The following SETX variants were observed in gnomAD, a reference collection of about 807,000 sequenced individuals.
SETX encodes the protein helicase senataxin.
Under a neutral mutation model 227.2 loss-of-function variants are expected in SETX, and 90 were observed. The observed-to-expected ratio is 0.40, with a 90% CI of 0.33 to 0.47. The LOEUF (loss-of-function observed/expected upper bound fraction) is 0.47, where lower values mean the gene tolerates loss of function less well. Among genes scored for constraint, SETX ranks in the 20% least tolerant of loss-of-function variants. SETX has a pLI of 0.91. For synonymous variants in SETX, 1,210 were observed against 1,113.2 expected, an observed-to-expected ratio of 1.09 and a Z score of -1.73; for missense variants, 3,052 against 3,181.5, an observed-to-expected ratio of 0.96 and a Z score of 0.98.
At chr9:132,297,750 T>C (rs1844755377) in intron 13 of SETX, among the ~76,000 whole-genome samples, 2 of 152,206 alleles carry the variant, frequency 1.3e-5, no homozygotes, top group Non-Finnish European at 1.5e-5. Context: ...TTTCCAACAA[T>C]ACCGGCCAAT....
Position 132,269,755 on chromosome 9 carries a change from A to G in SETX, c.7200-53T>C, listed in dbSNP as rs369104478. ...TTGTCTAGAATGACTTAACATGCCC[A>G]TGTGAGACAAAGGTGGACTCTAGAA... On this transcript the variant is annotated intron_variant, in intron 24 of 25. Transcript: ENST00000224140. 9.0e-6 allele frequency: 14 copies of G among 1,563,584 alleles called. No homozygotes were observed. The African/African-American group carries it at 1.9e-4, about 21-fold the overall frequency.
At chr9:132,316,397 T>C (rs1354309737) in intron 10 of SETX, among the ~76,000 whole-genome samples, 1 of 152,232 alleles carries the variant, frequency 6.6e-6, no homozygotes, top group Non-Finnish European at 1.5e-5. Flanking sequence ...TCTTCACATC[T>C]GTTAACTCCA....
Position 132,300,490 on chromosome 9 carries a change from C to T in SETX, c.5548+140G>A, listed in dbSNP as rs117632059. The stretch of plus-strand genomic sequence containing the variant: ...GTCTAGAAAAACTAGAAAAGAGACT[C>T]TGAATGGCCATGTAATCAACATAGC... On this transcript the variant is annotated intron_variant, in intron 12 of 25. Coordinates refer to ENST00000224140, the MANE Select transcript of SETX (RefSeq NM_015046.7). 1,167 of 855,920 alleles carry T rather than the reference C, an allele frequency of 1.4e-3. 32 individuals are homozygous for T. The East Asian group carries it at 0.028, about 21-fold the overall frequency. 53.0% of individuals were successfully genotyped at this position (855,920 alleles called of 1,614,324 possible).
At chr9:132,303,718 T>G (rs954811361) in intron 11 of SETX, among the ~76,000 whole-genome samples, 1 of 152,158 alleles carries the variant, frequency 6.6e-6, no homozygotes, top group Admixed American at 6.6e-5. Context: ...GAAGGGGATA[T>G]GTACATTGCC....
At chr9:132,268,526 G>T (rs771473248) in intron 25 of SETX, among the ~76,000 whole-genome samples, 2 of 152,182 alleles carry the variant, frequency 1.3e-5, no homozygotes, top group Non-Finnish European at 2.9e-5. Flanking sequence ...TTTTGTGAGA[G>T]AGGTGTAGAT....
At chr9:132,356,020 C>T (rs1329636551), upstream of SETX, among the ~76,000 whole-genome samples, 2 of 150,066 alleles carry the variant, frequency 1.3e-5, no homozygotes, top group Admixed American at 1.3e-4. Context: ...AAATTAGCAC[C>T]TGTGGGCCCA....
intron 18 of SETX, among the ~76,000 whole-genome samples, chr9:132,283,907 C>G (rs1318902911): frequency 1.3e-5 from 2 of 152,164 alleles, no homozygotes; most frequent in African/African-American, 4.8e-5. Flanking sequence ...TCCTCTATTT[C>G]CACAGTAAGG....
chr9:132,309,763 G>A (rs1007632436), intron 11 of SETX, among the ~76,000 whole-genome samples: 6 of 152,008 alleles, frequency 3.9e-5, no homozygotes, highest in Admixed American at 6.6e-5. Flanking sequence ...GTGGATCTGC[G>A]AGCTGTAGTT....
At chr9:132,331,012 G>C (rs1847190300) in intron 9 of SETX, 40 bp downstream of exon 9, 1 of 1,411,356 alleles carries the variant, frequency 7.1e-7, no homozygotes, top group Non-Finnish European at 1.0e-6. Flanking sequence ...ACAATATAAA[G>C]GCAATAAAAT....
At position 132,264,324 on chromosome 9, in the gene SETX, G is replaced by A. The variant is rs891664136; in HGVS notation, c.7949C>T (p.Thr2650Ile). ...EGEQEKCGSE[T>I]HHTRRNSRWD... is the part of the protein sequence containing the mutation. ...CCTAGAGTTCCTCCTGGTGTGATGG[G>A]TCTCGGAACCACACTTCTCCTGCTC... Residue 2650 changes from threonine (T) to isoleucine (I), a missense_variant, in exon 26 of 26, where the codon ACC becomes ATC. This residue lies in a region of SETX where 294 missense variants were observed against 278.8 expected (regional missense o/e 1.05). Coordinates refer to ENST00000224140, the MANE Select transcript of SETX (RefSeq NM_015046.7). 1 of 1,614,102 alleles carries A rather than the reference G, an allele frequency of 6.2e-7. No homozygotes were observed. Among genetic ancestry groups the A allele is most frequent in the South Asian group, 1.1e-5 (1 of 91,088 alleles).
rs201971400 is a variant in SETX at position 132,312,516 on chromosome 9, CAGTT to C, written c.5275-664_5275-661del. 6.5e-3 allele frequency among the ~76,000 whole-genome samples: 990 copies of C among 152,236 alleles called. 8 individuals carry two copies. The Middle Eastern group carries it at 0.068, about 10-fold the overall frequency. On this transcript the variant is annotated intron_variant, in intron 10 of 25. Transcript: ENST00000224140. ...TAAGGAGGGTTTTGTCTAAATGTAA[CAGTT>C]AGTCATTAAGTATTTAAATCAACAA...
At chr9:132,294,899 G>T (rs1844581891) in intron 15 of SETX, among the ~76,000 whole-genome samples, 1 of 151,958 alleles carries the variant, frequency 6.6e-6, no homozygotes, top group Non-Finnish European at 1.5e-5. Context: ...CTGGGTTTTT[G>T]ATTTTTAAAA....
intron 10 of SETX, among the ~76,000 whole-genome samples, chr9:132,324,282 C>T (rs1846565689): frequency 1.3e-5 from 2 of 152,084 alleles, no homozygotes; most frequent in South Asian, 4.1e-4. Flanking sequence ...AAGCAACTCT[C>T]AAAAATGGCT....
intron 25 of SETX, among the ~76,000 whole-genome samples, chr9:132,266,781 C>A (rs74568689): frequency 0.015 from 2,324 of 151,804 alleles, 53 homozygotes; most frequent in African/African-American, 0.052. Flanking sequence ...CAAAAAAAAA[C>A]CCCCAAAAAA....
chr9:132,354,662 G>C (rs1848807622), intron 1 of SETX, among the ~76,000 whole-genome samples: 3 of 152,078 alleles, frequency 2.0e-5, no homozygotes, highest in South Asian at 2.1e-4. Flanking sequence ...CGAGACCGCA[G>C]TGTAGACAAC....
chr9:132,344,046 C>T (rs749453248), intron 4 of SETX, among the ~76,000 whole-genome samples: 6 of 152,158 alleles, frequency 3.9e-5, no homozygotes, highest in Non-Finnish European at 7.4e-5. Context: ...CCAAAATCCA[C>T]ACACAGCTGA....
chr9:132,341,685 A>G (rs527647409), intron 5 of SETX, among the ~76,000 whole-genome samples: 1 of 152,300 alleles, frequency 6.6e-6, no homozygotes, highest in East Asian at 1.9e-4. Context: ...AACCTTTTTA[A>G]TACTTTGGCA....
rs551388101 is a variant in SETX, at chr9:132,334,794, G to A, written c.719-67C>T. The A allele has an allele frequency of 3.2e-5, 50 of 1,551,658 alleles. 1 individual carries two copies. The South Asian group carries it at 4.9e-4, about 15-fold the overall frequency. ...ACTATACTAATGCCTGGTTTAGTTT[G>A]CAAAAGAATAACAAGGCAGGAAGAT... On this transcript the variant is annotated intron_variant, in intron 6 of 25. Coordinates refer to ENST00000224140, the MANE Select transcript of SETX (RefSeq NM_015046.7).
chr9:132,299,431 T>C (rs1219797336), intron 12 of SETX, among the ~76,000 whole-genome samples: 1 of 152,104 alleles, frequency 6.6e-6, no homozygotes, highest in Admixed American at 6.6e-5. Context: ...AAGCACAGAG[T>C]AAGCCATCAA....
Sources: gnomAD v4.1 joint callset for allele counts (sites outside exome capture counted in the v4.1 genomes callset) on GRCh38, gnomAD v4.1.1 for gene constraint, gnomAD v4.1.1 regional missense constraint, MANE v1.5 for transcripts, NCBI Gene and HGNC (gene_info 2026-07-23, HGNC 2026-07-21) for gene names.